The following SUPT3H variants were observed in gnomAD, a reference collection of about 807,000 sequenced individuals.
SUPT3H encodes transcription initiation protein SPT3 homolog.
SUPT3H carries 44 observed loss-of-function variants against 44.3 expected under a neutral mutation model. That is an observed-to-expected ratio of 0.99 (90% CI 0.78 to 1.28). The LOEUF (loss-of-function observed/expected upper bound fraction) is 1.28. Among genes scored for constraint, SUPT3H ranks in the 50% most tolerant of loss-of-function variants. SUPT3H has a pLI of 0.00. For missense variants in SUPT3H, 380 were observed against 387.1 expected (o/e 0.98, Z 0.15); for synonymous variants, 124 against 125.6 (o/e 0.99, Z 0.09).
intron 10 of SUPT3H, among the ~76,000 whole-genome samples, chr6:44,903,966 G>A (rs1312726592): frequency 1.3e-5 from 2 of 152,100 alleles, no homozygotes; most frequent in Non-Finnish European, 2.9e-5. Flanking sequence ...AAAGGCCTTT[G>A]ACAAAATTCA....
chr6:45,359,492 T>C (rs116706233), intron 2 of SUPT3H, among the ~76,000 whole-genome samples: 2,045 of 152,290 alleles, frequency 0.013, 49 homozygotes, highest in African/African-American at 0.046. Flanking sequence ...CATATTTTAG[T>C]GTAATTTAAA....
intron 2 of SUPT3H, among the ~76,000 whole-genome samples, chr6:45,322,668 C>T (rs1168289516): frequency 6.6e-6 from 1 of 152,034 alleles, no homozygotes; most frequent in African/African-American, 2.4e-5. Context: ...CTGCGATCGC[C>T]TTTACTGAAA....
intron 10 of SUPT3H, among the ~76,000 whole-genome samples, chr6:44,866,271 C>A (rs966149140): frequency 6.6e-5 from 10 of 151,562 alleles, no homozygotes. Flanking sequence ...GGGGAGGTGG[C>A]ACATGAATTA....
chr6:45,031,856 A>G (rs1188627366), intron 3 of SUPT3H, among the ~76,000 whole-genome samples: 1 of 152,202 alleles, frequency 6.6e-6, no homozygotes, highest in African/African-American at 2.4e-5. Context: ...ACTAGCTGCA[A>G]GTGCATGAAA....
intron 2 of SUPT3H, among the ~76,000 whole-genome samples, chr6:45,115,180 T>G (rs926545465): frequency 2.8e-4 from 43 of 152,058 alleles, no homozygotes; most frequent in African/African-American, 9.7e-4. Flanking sequence ...CCATGTTACA[T>G]AAACATGGAA....
At position 44,837,456 on chromosome 6, in the gene SUPT3H, G is replaced by C. The variant is rs545670889; in HGVS notation, c.913-7599C>G. 2.0e-4 allele frequency among the ~76,000 whole-genome samples: 31 copies of C among 152,264 alleles called. No homozygotes were observed. In the South Asian group the frequency reaches 6.4e-3, roughly 32 times the overall value. ...GTGCTCATCATTAGAGCAGGGGCTG[G>C]ATAGTCTCAGTTCCTAAAAAGTGGG... On this transcript the variant is annotated intron_variant, in intron 10 of 10. Transcript: ENST00000371459.
intron 2 of SUPT3H, among the ~76,000 whole-genome samples, chr6:45,342,528 C>G (rs12205312): frequency 0.6 from 90,985 of 152,008 alleles, 27,651 homozygotes; most frequent in African/African-American, 0.66. Context: ...CAAAGTGCTG[C>G]GATTACACGC....
At chr6:45,023,262 C>CAA (rs557483683) in intron 3 of SUPT3H, among the ~76,000 whole-genome samples, 17 of 123,610 alleles carry the variant, frequency 1.4e-4, no homozygotes, top group South Asian at 1.0e-3. Flanking sequence ...ATTAAAAAGT[C>CAA]AAAAAAAAAA....
chr6:44,836,036 C>T (rs531803485), intron 10 of SUPT3H, among the ~76,000 whole-genome samples: 4 of 152,070 alleles, frequency 2.6e-5, no homozygotes, highest in Non-Finnish European at 5.9e-5. Context: ...GCTATGCAAT[C>T]GCTTTTTAAA....
At chr6:45,062,371 A>C (rs750530284) in intron 3 of SUPT3H, among the ~76,000 whole-genome samples, 6 of 152,028 alleles carry the variant, frequency 3.9e-5, no homozygotes, top group Non-Finnish European at 8.8e-5. Flanking sequence ...TAATTCTGAG[A>C]CACTAACAAA....
intron 3 of SUPT3H, among the ~76,000 whole-genome samples, chr6:45,038,690 T>C (rs769451686): frequency 9.2e-5 from 14 of 152,058 alleles, no homozygotes; most frequent in Non-Finnish European, 1.6e-4. Context: ...TTTAATAACA[T>C]TAGGAGAAAA....
At chr6:45,181,403 A>T (rs897674619) in intron 2 of SUPT3H, among the ~76,000 whole-genome samples, 2 of 152,032 alleles carry the variant, frequency 1.3e-5, no homozygotes, top group Non-Finnish European at 2.9e-5. Flanking sequence ...GCTGCTATAA[A>T]GACACATGCA....
intron 2 of SUPT3H, among the ~76,000 whole-genome samples, chr6:45,259,839 T>C (rs978020683): frequency 2.6e-5 from 4 of 152,168 alleles, no homozygotes; most frequent in African/African-American, 9.6e-5. Flanking sequence ...AATGACAGGT[T>C]CATTGCAGTT....
intron 3 of SUPT3H, among the ~76,000 whole-genome samples, chr6:45,094,621 A>G (rs928876485): frequency 2.0e-5 from 3 of 152,098 alleles, no homozygotes; most frequent in African/African-American, 7.2e-5. Flanking sequence ...GTAGCATAAG[A>G]GGCATTCTAC....
At chr6:45,116,974 T>G (rs1008355019) in intron 2 of SUPT3H, among the ~76,000 whole-genome samples, 5 of 152,134 alleles carry the variant, frequency 3.3e-5, no homozygotes, top group African/African-American at 1.2e-4. Context: ...ACTTCCTATT[T>G]CTTATCATTT....
intron 3 of SUPT3H, among the ~76,000 whole-genome samples, chr6:45,031,660 C>T (rs1412034868): frequency 6.6e-6 from 1 of 152,146 alleles, no homozygotes; most frequent in East Asian, 1.9e-4. Flanking sequence ...ATCCTTTTGG[C>T]TTTTCTGATT....
intron 2 of SUPT3H, among the ~76,000 whole-genome samples, chr6:45,190,307 T>A (rs1217776492): frequency 6.6e-6 from 1 of 152,176 alleles, no homozygotes; most frequent in East Asian, 1.9e-4. Context: ...AGAAATAGTA[T>A]TTTAACTGCA....
At chr6:45,255,234 T>C (rs1041347199) in intron 2 of SUPT3H, among the ~76,000 whole-genome samples, 1 of 152,118 alleles carries the variant, frequency 6.6e-6, no homozygotes, top group Non-Finnish European at 1.5e-5. Context: ...ACTAAGGGTC[T>C]TGGAATATAT....
chr6:44,910,938 T>C (rs1471435862), intron 10 of SUPT3H, among the ~76,000 whole-genome samples: 12 of 123,500 alleles, frequency 9.7e-5, no homozygotes, highest in Non-Finnish European at 1.4e-4. Flanking sequence ...GAGGTTGCAA[T>C]GAGCCGAGAT....
Sources: allele counts gnomAD v4.1 joint callset (sites outside exome capture counted in the v4.1 genomes callset), GRCh38; gene constraint gnomAD v4.1.1; transcripts MANE v1.5; gene names NCBI Gene and HGNC (gene_info 2026-07-23, HGNC 2026-07-21).